ZBTB37: variants seen among roughly 807,000 people sequenced by gnomAD.
The protein encoded by ZBTB37 is zinc finger and BTB domain-containing protein 37.
A neutral mutation model predicts 37.7 loss-of-function variants in ZBTB37; 15 were observed. That is an observed-to-expected ratio of 0.40 (90% confidence interval 0.27 to 0.61). The LOEUF is 0.61. Ranked by LOEUF, ZBTB37 falls within the 20% of genes least tolerant of loss-of-function variation. The pLI, the probability that ZBTB37 is intolerant of heterozygous loss-of-function variation, is 0.44. For missense variants in ZBTB37, 514 were observed against 641.9 expected (o/e 0.80, Z 2.15); for synonymous variants, 231 against 220.6 (o/e 1.05, Z -0.42).
chr1:173,888,726 G>A (rs1430271791), downstream of ZBTB37: 2 of 152,118 alleles, frequency 1.3e-5, no homozygotes, highest in Admixed American at 6.5e-5. Flanking sequence ...CAGTGAACTT[G>A]GCCTGGAGAA....
At chr1:173,869,961 C>T (rs1035853948) in intron 2 of ZBTB37, among the ~76,000 whole-genome samples, 12 of 152,180 alleles carry the variant, frequency 7.9e-5, no homozygotes, top group African/African-American at 2.9e-4. Context: ...ATGGTCATAA[C>T]ATGAATTTTT....
chr1:173,882,330 C>T (rs998552824), intron 4 of ZBTB37, among the ~76,000 whole-genome samples: 2 of 149,416 alleles, frequency 1.3e-5, no homozygotes, highest in African/African-American at 2.5e-5. Flanking sequence ...CAAGCTCTGC[C>T]TCCCAGGTTC....
chr1:173,870,088 T>C (rs1434005128), intron 2 of ZBTB37, 112 bp from the exon 3 acceptor site: 3 of 701,590 alleles, frequency 4.3e-6, no homozygotes, highest in Non-Finnish European at 6.7e-6. Context: ...TTCTTTTATC[T>C]GGAGATTTTG....
At chr1:173,887,809 T>C (rs2102753659), downstream of ZBTB37, 1 of 152,356 alleles carries the variant, frequency 6.6e-6, no homozygotes, top group South Asian at 2.1e-4. Flanking sequence ...GTACCTGCAC[T>C]GGTGAACCAT....
At chr1:173,871,200 C>A in intron 3 of ZBTB37, 52 bp downstream of exon 3, 1 of 1,478,144 alleles carries the variant, frequency 6.8e-7, no homozygotes, top group Non-Finnish European at 9.1e-7. Flanking sequence ...GTGTAGACAT[C>A]ACTAAAGTGT....
chr1:173,882,791 A>G (rs1396108408), intron 4 of ZBTB37, among the ~76,000 whole-genome samples: 2 of 152,192 alleles, frequency 1.3e-5, no homozygotes, highest in Non-Finnish European at 1.5e-5. Flanking sequence ...TCAGCTTTCT[A>G]CATAAGGCTA....
chr1:173,875,193 A>G (rs1557885161), intron 4 of ZBTB37, among the ~76,000 whole-genome samples: 2 of 151,240 alleles, frequency 1.3e-5, no homozygotes, highest in East Asian at 1.9e-4. Flanking sequence ...TATGTAGTAT[A>G]CACACACTAT....
intron 4 of ZBTB37, among the ~76,000 whole-genome samples, chr1:173,877,370 T>G (rs1656038468): frequency 7.5e-6 from 1 of 133,230 alleles, no homozygotes; most frequent in African/African-American, 2.8e-5. Flanking sequence ...CAAGATTTTC[T>G]TTCTTTTTTT....
At chr1:173,889,344 T>C (rs1176284423), downstream of ZBTB37, 1 of 151,798 alleles carries the variant, frequency 6.6e-6, no homozygotes, top group Non-Finnish European at 1.5e-5. Context: ...AAATGGACTT[T>C]GTTTGGTTGA....
intron 4 of ZBTB37, among the ~76,000 whole-genome samples, chr1:173,875,307 T>C (rs967460610): frequency 6.9e-6 from 1 of 145,444 alleles, no homozygotes; most frequent in South Asian, 2.2e-4. Flanking sequence ...TATTTATATA[T>C]ATATGTGTGC....
At chr1:173,885,503 ATAAT>A (rs1656571736) in intron 4 of ZBTB37, 129 bp from the exon 5 acceptor site, 1 of 758,104 alleles carries the variant, frequency 1.3e-6, no homozygotes, top group African/African-American at 1.8e-5. Flanking sequence ...CTTTTTGGTA[ATAAT>A]TTTCTGTTTG....
chr1:173,897,391 GAAAA>G (rs911129810), exon 4 of ZBTB37: 7 of 152,148 alleles, frequency 4.6e-5, no homozygotes, highest in African/African-American at 1.4e-4. Flanking sequence ...TTTCTTTAGA[GAAAA>G]AAGATGTAGG....
chr1:173,882,575 TA>T (rs1656395103), intron 4 of ZBTB37, among the ~76,000 whole-genome samples: 1 of 152,160 alleles, frequency 6.6e-6, no homozygotes, highest in Admixed American at 6.5e-5. Context: ...AGAAGCTCTT[TA>T]GTTTAATTAG....
chr1:173,877,834 C>T (rs927287228), intron 4 of ZBTB37, among the ~76,000 whole-genome samples: 2 of 152,124 alleles, frequency 1.3e-5, no homozygotes, highest in Admixed American at 1.3e-4. Flanking sequence ...CAAGGACTTA[C>T]AGTAAGAATG....
At chr1:173,899,721 C>A (rs1299392261) in exon 4 of ZBTB37, 1 of 152,168 alleles carries the variant, frequency 6.6e-6, no homozygotes, top group Admixed American at 6.5e-5. Context: ...CCTATGTAAT[C>A]CCTAGTGGTC....
At chr1:173,896,151 A>G (rs2102763569) in exon 4 of ZBTB37, 1 of 152,388 alleles carries the variant, frequency 6.6e-6, no homozygotes, top group African/African-American at 2.4e-5. Context: ...TTGTATTTGC[A>G]TAACCAGAGA....
chr1:173,900,990 G>C (rs1381743083), exon 4 of ZBTB37: 2 of 152,122 alleles, frequency 1.3e-5, no homozygotes, highest in African/African-American at 4.8e-5. Context: ...GAGCAGAGTG[G>C]GGAAGTAATG....
chr1:173,870,414 G>C (rs1327976663), exon 3 of ZBTB37: 5 of 1,614,078 alleles, frequency 3.1e-6, no homozygotes, highest in Non-Finnish European at 4.2e-6. Context: ...ACATGTCCTT[G>C]AATGAGATGA....
exon 4 of ZBTB37, chr1:173,893,938 A>G (rs946505971): frequency 2.0e-5 from 3 of 152,244 alleles, no homozygotes; most frequent in African/African-American, 7.2e-5. Flanking sequence ...CTTGATTCCA[A>G]AGCCCAGACT....
Sources: gnomAD v4.1 joint callset for allele counts (sites outside exome capture counted in the v4.1 genomes callset) on GRCh38, gnomAD v4.1.1 for gene constraint, MANE v1.5 for transcripts, NCBI Gene and HGNC (gene_info 2026-07-23, HGNC 2026-07-21) for gene names.